The following CSMD1 variants were observed in gnomAD, a reference collection of about 807,000 sequenced individuals.
CSMD1 encodes CUB and Sushi multiple domains 1.
CSMD1 carries 213 observed loss-of-function variants against 417.5 expected under a neutral mutation model. The observed-to-expected ratio is 0.51, with a 90% CI of 0.46 to 0.57. CSMD1 has a LOEUF of 0.57. Ranked by LOEUF, CSMD1 falls within the 20% of genes least tolerant of loss-of-function variation. The pLI is 0.00. For missense variants in CSMD1, 6,923 were observed against 4,529.7 expected, an observed-to-expected ratio of 1.53 and a Z score of -15.17; for synonymous variants, 2,862 against 1,736.8, an observed-to-expected ratio of 1.65 and a Z score of -16.11.
chr8:4,816,505 G>A (rs746469361), intron 1 of CSMD1, among the ~76,000 whole-genome samples: 35 of 152,056 alleles, frequency 2.3e-4, no homozygotes, highest in Non-Finnish European at 3.8e-4. Context: ...TGGGATTACA[G>A]GTGTGAGCCA....
chr8:4,044,345 C>T (rs1798040411), intron 3 of CSMD1, among the ~76,000 whole-genome samples: 1 of 152,148 alleles, frequency 6.6e-6, no homozygotes, highest in African/African-American at 2.4e-5. Context: ...CAATGCAATT[C>T]TGTTTAGTAT....
chr8:4,301,490 T>C (rs1797979230), intron 3 of CSMD1, among the ~76,000 whole-genome samples: 1 of 152,214 alleles, frequency 6.6e-6, no homozygotes, highest in Admixed American at 6.5e-5. Context: ...GCCACTTGCA[T>C]AAGATCTCTA....
intron 1 of CSMD1, among the ~76,000 whole-genome samples, chr8:4,759,764 A>C (rs1364114285): frequency 6.6e-6 from 1 of 152,200 alleles, no homozygotes; most frequent in Non-Finnish European, 1.5e-5. Context: ...TTATGGCTGC[A>C]TAGTATTCCA....
chr8:4,653,734 T>C (rs1025490052), intron 1 of CSMD1, among the ~76,000 whole-genome samples: 8 of 152,018 alleles, frequency 5.3e-5, no homozygotes, highest in Admixed American at 1.3e-4. Context: ...TGGAGGAAAA[T>C]TGTATTCAAA....
chr8:4,786,157 T>C (rs1462066114), intron 1 of CSMD1, among the ~76,000 whole-genome samples: 1 of 152,226 alleles, frequency 6.6e-6, no homozygotes, highest in Non-Finnish European at 1.5e-5. Context: ...CAGCCACTTA[T>C]GAGCCCTGAC....
intron 7 of CSMD1, among the ~76,000 whole-genome samples, chr8:3,631,292 G>A (rs1267540147): frequency 2.0e-5 from 3 of 152,310 alleles, no homozygotes; most frequent in Non-Finnish European, 2.9e-5. Context: ...TAGGCCCATG[G>A]TAGCAGCGGA....
intron 3 of CSMD1, among the ~76,000 whole-genome samples, chr8:4,380,313 T>C (rs75930582): frequency 0.012 from 1,826 of 152,206 alleles, 45 homozygotes; most frequent in South Asian, 0.1. Flanking sequence ...GCCACAGTGA[T>C]AGCACACCCT....
chr8:3,715,693 C>T (rs1333350644), intron 6 of CSMD1, among the ~76,000 whole-genome samples: 1 of 152,100 alleles, frequency 6.6e-6, no homozygotes, highest in Non-Finnish European at 1.5e-5. Context: ...CAGGCACCTG[C>T]CACCAAACCC....
At chr8:4,863,205 T>C (rs1446575752) in intron 1 of CSMD1, among the ~76,000 whole-genome samples, 2 of 152,158 alleles carry the variant, frequency 1.3e-5, no homozygotes, top group South Asian at 4.1e-4. Flanking sequence ...CAGTTTTTAC[T>C]ATTCATCTCC....
chr8:4,792,473 T>G (rs4401881), intron 1 of CSMD1, among the ~76,000 whole-genome samples: 15,964 of 152,070 alleles, frequency 0.1, 1,082 homozygotes, highest in South Asian at 0.14. Context: ...TTCTGAATAT[T>G]CTTCATTTTC....
chr8:3,449,797 C>A (rs1373584725), intron 12 of CSMD1, among the ~76,000 whole-genome samples: 1 of 152,276 alleles, frequency 6.6e-6, no homozygotes, highest in East Asian at 1.9e-4. Context: ...GCATTACAGG[C>A]ATGAGCCACT....
intron 1 of CSMD1, among the ~76,000 whole-genome samples, chr8:4,906,790 C>T (rs1299408604): frequency 6.6e-6 from 1 of 152,186 alleles, no homozygotes; most frequent in Non-Finnish European, 1.5e-5. Flanking sequence ...CAACTCTTGA[C>T]CTCGTGATCT....
intron 1 of CSMD1, among the ~76,000 whole-genome samples, chr8:4,675,534 T>C (rs1805625310): frequency 6.6e-6 from 1 of 152,154 alleles, no homozygotes; most frequent in South Asian, 2.1e-4. Context: ...GGACAAGTTC[T>C]GAGAATGGTT....
At chr8:4,533,000 C>T (rs1796913811) in intron 2 of CSMD1, among the ~76,000 whole-genome samples, 1 of 152,180 alleles carries the variant, frequency 6.6e-6, no homozygotes, top group African/African-American at 2.4e-5. Flanking sequence ...AGAAATCCTG[C>T]ACCCCTACTC....
intron 1 of CSMD1, among the ~76,000 whole-genome samples, chr8:4,904,848 C>T (rs898144879): frequency 6.6e-6 from 1 of 152,166 alleles, no homozygotes; most frequent in African/African-American, 2.4e-5. Context: ...CAGCAATGAT[C>T]TGTAAATTAC....
chr8:3,630,601 G>C lies in CSMD1; in HGVS notation c.1010-13804C>G, dbSNP rs1052225944. On this transcript the variant is annotated intron_variant, in intron 7 of 69. Transcript: ENST00000635120. Reference sequence around the variant, plus strand: ...ATGTTGAAGTCATTCAGACAGAAGGGTGAAGTGTTGGGCTGGCATGCTGAG... The same window carrying C: ...ATGTTGAAGTCATTCAGACAGAAGGCTGAAGTGTTGGGCTGGCATGCTGAG... Among the ~76,000 whole-genome samples, 7 of 152,324 alleles carry C rather than the reference G, an allele frequency of 4.6e-5. No individual in the cohort carries two copies. The South Asian group carries it at 1.2e-3, about 27-fold the overall frequency.
At chr8:4,273,526 T>A (rs1804731766) in intron 3 of CSMD1, among the ~76,000 whole-genome samples, 1 of 152,166 alleles carries the variant, frequency 6.6e-6, no homozygotes, top group Admixed American at 6.6e-5. Flanking sequence ...TAGAGGACAT[T>A]CTATTAACTT....
chr8:4,376,754 A>G (rs1009437549), intron 3 of CSMD1, among the ~76,000 whole-genome samples: 20 of 152,186 alleles, frequency 1.3e-4, no homozygotes, highest in African/African-American at 4.6e-4. Flanking sequence ...CCCAGCTGCA[A>G]TATTTTTCAG....
intron 1 of CSMD1, among the ~76,000 whole-genome samples, chr8:4,957,066 C>G (rs919911355): frequency 6.6e-6 from 1 of 152,182 alleles, no homozygotes; most frequent in African/African-American, 2.4e-5. Context: ...TAATTTGAGA[C>G]TGTTGCCAGA....
Sources: allele counts gnomAD v4.1 joint callset (sites outside exome capture counted in the v4.1 genomes callset), GRCh38; gene constraint gnomAD v4.1.1; transcripts MANE v1.5; gene names NCBI Gene and HGNC (gene_info 2026-07-23, HGNC 2026-07-21).